The following GSDME variants were observed in gnomAD, a reference collection of about 807,000 sequenced individuals.
GSDME encodes the protein gasdermin-E.
In GSDME, 44 loss-of-function variants were observed where a neutral mutation model predicts 47.5. The ratio of observed to expected loss-of-function variants is 0.93; its 90% CI spans 0.73 to 1.19. GSDME has a LOEUF of 1.19. GSDME is among the 50% of genes most tolerant of loss of function. GSDME has a pLI of 0.00. For synonymous variants in GSDME, 258 were observed against 252.8 expected (o/e 1.02, Z -0.20); for missense variants, 663 against 604.2 (o/e 1.10, Z -1.02).
rs568449323 is a variant in GSDME, at chr7:24,700,901, T to C, written c.1258-1642A>G. On this transcript the variant is annotated intron_variant, in intron 9 of 9. Coordinates refer to ENST00000645220, the MANE Select transcript of GSDME (RefSeq NM_001127453.2). ...AGCTGTGCAGCATTCGGCTTTCTTT[T>C]CTAAATATCCACCACCCCCTTTGCC... is the stretch of plus-strand genomic sequence containing the variant. Among the ~76,000 whole-genome samples the C allele has an allele frequency of 2.0e-5, 3 of 152,306 alleles. No individual in the cohort carries two copies. The South Asian group carries it at 6.2e-4, about 32-fold the overall frequency.
At position 24,721,260 on chromosome 7, in the gene GSDME, A is replaced by G. The variant is rs914158852; in HGVS notation, c.405-2042T>C. 3.9e-5 allele frequency among the ~76,000 whole-genome samples: 6 copies of G among 152,244 alleles called. No individual in the cohort carries two copies. The highest frequency in any genetic ancestry group is 7.3e-5 in the Non-Finnish European group (5 of 68,038). ...GTTGTGTCTCATCTATTTTACCACA[A>G]TAACAAATAGATAAGACATAGGAAA... On this transcript the variant is annotated intron_variant, in intron 3 of 9. Coordinates refer to ENST00000645220, the MANE Select transcript of GSDME (RefSeq NM_001127453.2). The surrounding 1 kb of genome is among the most constrained non-coding windows in gnomAD (Gnocchi z 4.1).
the GSDME span, among the ~76,000 whole-genome samples, chr7:24,792,379 T>C: frequency 6.6e-6 from 1 of 152,158 alleles, no homozygotes; most frequent in Admixed American, 6.5e-5. Context: ...CACTGGGGTC[T>C]TTGTCGAAAT....
chr7:24,736,725 C>G lies in GSDME; in HGVS notation c.404+7837G>C, dbSNP rs1189904953. On this transcript the variant is annotated intron_variant, in intron 3 of 9. Transcript: ENST00000645220. The surrounding 1 kb of genome is among the most constrained non-coding windows in gnomAD (Gnocchi z 4.6). Reference sequence around the variant, plus strand: ...GAAGAATACACATTCTTTTCCTCAGCACATGGATCATTCGCAAGGATAGAC... The same window carrying G: ...GAAGAATACACATTCTTTTCCTCAGGACATGGATCATTCGCAAGGATAGAC... Among the ~76,000 whole-genome samples the G allele has an allele frequency of 6.6e-6, 1 of 152,174 alleles. No homozygotes were observed. Among genetic ancestry groups the G allele is most frequent in the East Asian group, 1.9e-4 (1 of 5,200 alleles).
chr7:24,779,138 C>G, the GSDME span, among the ~76,000 whole-genome samples: 1 of 152,098 alleles, frequency 6.6e-6, no homozygotes, highest in Non-Finnish European at 1.5e-5. This position sits in a 1 kb window ranked among gnomAD's most constrained non-coding sequence, Gnocchi z 6.0. Flanking sequence ...ATGACTCTTT[C>G]CTAAAATAAC....
intron 5 of GSDME, 134 bp downstream of exon 5, chr7:24,717,120 T>G (rs1355921260): frequency 1.5e-5 from 15 of 1,013,930 alleles, no homozygotes; most frequent in Non-Finnish European, 2.3e-5. Context: ...TGGGACAATC[T>G]ACGCTCTTCA....
rs73082066 is a variant in GSDME at position 24,747,104 on chromosome 7, G to T, written c.212-2350C>A. On this transcript the variant is annotated intron_variant, in intron 2 of 9. Coordinates refer to ENST00000645220, the MANE Select transcript of GSDME (RefSeq NM_001127453.2). ...GATCTTTCAGGACACCACAAAAGAG[G>T]CATTTCACATCACAGAACGGTAAAA... 3.9e-3 allele frequency among the ~76,000 whole-genome samples: 594 copies of T among 152,278 alleles called. 1 individual carries two copies. The highest frequency in any genetic ancestry group is 6.5e-3 in the Non-Finnish European group (442 of 68,026).
At position 24,698,783 on chromosome 7, in the gene GSDME, C is replaced by T. The variant is rs1788738580; in HGVS notation, c.*243G>A. 1.8e-6 allele frequency: 1 copy of T among 547,068 alleles called. No individual in the cohort carries two copies. The highest frequency in any genetic ancestry group is 1.9e-5 in the African/African-American group (1 of 53,066). The allele number at this position is 547,068 out of a possible 1,614,324, so 33.9% of individuals were successfully genotyped here. ...CTAAGAATTCTCCGCCCTCCCAGCTCTTTACATGCTGGAACCTAACTCAGA... is the reference window on the plus strand; with the variant it reads ...CTAAGAATTCTCCGCCCTCCCAGCTTTTTACATGCTGGAACCTAACTCAGA... On this transcript the variant is annotated 3_prime_UTR_variant, in exon 10 of 10. Coordinates refer to ENST00000645220, the MANE Select transcript of GSDME (RefSeq NM_001127453.2).
the GSDME span, among the ~76,000 whole-genome samples, chr7:24,787,276 A>C: frequency 6.6e-6 from 1 of 152,238 alleles, no homozygotes; most frequent in African/African-American, 2.4e-5. The surrounding 1 kb of genome is among the most constrained non-coding windows in gnomAD (Gnocchi z 5.0). Context: ...AGGAGGGAAC[A>C]TGGCCCCTAC....
intron 7 of GSDME, chr7:24,707,822 G>T (rs1324638836): frequency 1.8e-6 from 1 of 541,422 alleles, no homozygotes; most frequent in Non-Finnish European, 3.3e-6. Context: ...TAGATCCTCT[G>T]GGGGAAGTGT....
In GSDME at chr7:24,744,742, G is replaced by T; in HGVS notation, c.224C>A (p.Ser75Ter). 1 of 1,613,966 alleles carries T rather than the reference G, an allele frequency of 6.2e-7. No homozygotes were observed. Among genetic ancestry groups the T allele is most frequent in the South Asian group, 1.1e-5 (1 of 91,064 alleles). The change falls in exon 3 of 10, where the codon TCG becomes TAG. Residue 75 changes from serine to a stop codon, truncating the protein, a stop_gained. Coordinates refer to ENST00000645220, the MANE Select transcript of GSDME (RefSeq NM_001127453.2). LOFTEE classifies it high-confidence loss of function. The surrounding 1 kb of genome is among the most constrained non-coding windows in gnomAD (Gnocchi z 4.5). Reference sequence around the variant, plus strand: ...CTTGCCCTCGTATTTCACAAAGTCCGACTCCACGACCACTGGAATGGAGGA... The same window carrying T: ...CTTGCCCTCGTATTTCACAAAGTCCTACTCCACGACCACTGGAATGGAGGA... ...DQFPSPVVVE[S>*]DFVKYEGKFA...
chr7:24,741,347 T>C (rs1478570912), intron 3 of GSDME, among the ~76,000 whole-genome samples: 2 of 151,880 alleles, frequency 1.3e-5, no homozygotes, highest in East Asian at 1.9e-4. Flanking sequence ...TCCGAGTCAC[T>C]ATGAAAAAGA....
intron 3 of GSDME, among the ~76,000 whole-genome samples, chr7:24,722,812 G>A (rs1789838336): frequency 6.6e-6 from 1 of 152,228 alleles, no homozygotes; most frequent in African/African-American, 2.4e-5. Flanking sequence ...AGCCATCTAC[G>A]CAGGTGGGCA....
At chr7:24,748,806 A>C (rs1790762664) in intron 2 of GSDME, among the ~76,000 whole-genome samples, 1 of 151,880 alleles carries the variant, frequency 6.6e-6, no homozygotes, top group Non-Finnish European at 1.5e-5. Flanking sequence ...CCATTCACTA[A>C]TCACAATAAA....
intron 3 of GSDME, among the ~76,000 whole-genome samples, chr7:24,740,145 G>A (rs543373383): frequency 2.4e-4 from 36 of 151,100 alleles, no homozygotes; most frequent in Non-Finnish European, 4.9e-4. Flanking sequence ...GGATGGAACT[G>A]GAGGTCATTA....
Position 24,699,223 on chromosome 7 carries a change from C to T in GSDME, c.1294G>A (p.Glu432Lys). The T allele has an allele frequency of 1.2e-6, 2 of 1,614,120 alleles. No homozygotes were observed. Among genetic ancestry groups the T allele is most frequent in the Non-Finnish European group, 1.7e-6 (2 of 1,179,986 alleles). The change falls in exon 10 of 10, where the codon GAA becomes AAA. Residue 432 changes from glutamate (E) to lysine (K), a missense_variant. Glu to Lys is a moderately conservative substitution (Grantham distance 56). Transcript: ENST00000645220. ...TTCAGGGGAGTCAAGGTTGGGTCTT[C>T]AAGATCAGATACTCCATCATCAGAC... The part of the protein sequence containing the change: ...ALSDDGVSDL[E>K]DPTLTPLKDT...
In GSDME at chr7:24,745,508, T is replaced by A. The variant is rs1790641321; in HGVS notation, c.212-754A>T. Among the ~76,000 whole-genome samples the A allele has an allele frequency of 2.0e-5, 3 of 152,246 alleles. No individual in the cohort carries two copies. Among genetic ancestry groups the A allele is most frequent in the Admixed American group, 2.0e-4 (3 of 15,292 alleles). On this transcript the variant is annotated intron_variant, in intron 2 of 9. Transcript: ENST00000645220. This position sits in a 1 kb window ranked among gnomAD's most constrained non-coding sequence, Gnocchi z 4.4. ...GACTTCCTGATAAGGTCAGTGGACATGCCCTTTTTAAAATGATAAATGTCT... is the reference window on the plus strand; with the variant it reads ...GACTTCCTGATAAGGTCAGTGGACAAGCCCTTTTTAAAATGATAAATGTCT...
the GSDME span, among the ~76,000 whole-genome samples, chr7:24,766,290 C>CTTTATTTATTTATTTA: frequency 6.7e-6 from 1 of 150,254 alleles, no homozygotes; most frequent in African/African-American, 2.5e-5. This position sits in a 1 kb window ranked among gnomAD's most constrained non-coding sequence, Gnocchi z 4.2. Context: ...CTGCACAACA[C>CTTTATTTATTTATTTA]TTTATTTATT....
the GSDME span, among the ~76,000 whole-genome samples, chr7:24,763,641 A>T: frequency 6.6e-6 from 1 of 152,186 alleles, no homozygotes; most frequent in Non-Finnish European, 1.5e-5. The surrounding 1 kb of genome is among the most constrained non-coding windows in gnomAD (Gnocchi z 4.3). Flanking sequence ...ATATTTTTGG[A>T]TGGAGACTGA....
At chr7:24,717,117 A>G in intron 5 of GSDME, 137 bp downstream of exon 5, 1 of 988,462 alleles carries the variant, frequency 1.0e-6, no homozygotes, top group Non-Finnish European at 1.5e-6. Flanking sequence ...TCTTGGGACA[A>G]TCTACGCTCT....
Sources: gnomAD v4.1 joint callset for allele counts (sites outside exome capture counted in the v4.1 genomes callset) on GRCh38, gnomAD v4.1.1 for gene constraint, Gnocchi (gnomAD v3.1) non-coding constraint, MANE v1.5 for transcripts, NCBI Gene and HGNC (gene_info 2026-07-23, HGNC 2026-07-21) for gene names.